MTCL1: variants seen among roughly 807,000 people sequenced by gnomAD.
MTCL1 encodes the protein microtubule cross-linking factor 1.
In MTCL1, 79 loss-of-function variants were observed where a neutral mutation model predicts 141.4. The observed-to-expected ratio is 0.56, with a 90% CI of 0.47 to 0.67. The LOEUF is 0.67. Among genes scored for constraint, MTCL1 ranks in the 30% least tolerant of loss-of-function variants. The pLI, the probability that MTCL1 is intolerant of heterozygous loss-of-function variation, is 0.00. For synonymous variants in MTCL1, 914 were observed against 875.8 expected (o/e 1.04, Z -0.77); for missense variants, 2,177 against 2,113.9 (o/e 1.03, Z -0.59).
Position 8,815,714 on chromosome 18 carries a change from G to A in MTCL1, c.2859+2481G>A, listed in dbSNP as rs192132929. On this transcript the variant is annotated intron_variant, in intron 12 of 16. Coordinates refer to ENST00000359865, the Ensembl canonical transcript of MTCL1. ...AGCCTCATTTTGAGACTATATTTTG[G>A]AAAGGTAATAGTGGTCAGGAGCTGA... 1.1e-3 allele frequency among the ~76,000 whole-genome samples: 173 copies of A among 151,622 alleles called. 1 individual carries two copies. The highest frequency in any genetic ancestry group is 4.1e-3 in the African/African-American group (170 of 41,344).
At chr18:8,817,331 G>A (rs979685281) in intron 12 of MTCL1, among the ~76,000 whole-genome samples, 3 of 150,642 alleles carry the variant, frequency 2.0e-5, no homozygotes, top group Admixed American at 6.6e-5. Context: ...TCATCAGGGA[G>A]GTGGAGGAGG....
chr18:8,743,861 G>T (rs1266341604), intron 4 of MTCL1, among the ~76,000 whole-genome samples: 1 of 152,220 alleles, frequency 6.6e-6, no homozygotes, highest in East Asian at 1.9e-4. Flanking sequence ...CAAGGACGTG[G>T]ATATTTGAGG....
chr18:8,809,697 C>T (rs1598760020), intron 11 of MTCL1: 1 of 1,345,532 alleles, frequency 7.4e-7, no homozygotes, highest in South Asian at 1.5e-5. Flanking sequence ...CAACAGGCAC[C>T]TCGCACGGCT....
intron 4 of MTCL1, among the ~76,000 whole-genome samples, chr18:8,734,191 C>T (rs963597233): frequency 1.3e-5 from 2 of 151,982 alleles, no homozygotes; most frequent in Non-Finnish European, 2.9e-5. Context: ...CCTCTGCCCA[C>T]TAGATGCTGG....
At chr18:8,714,955 C>T (rs1396619058), upstream of MTCL1, among the ~76,000 whole-genome samples, 1 of 152,126 alleles carries the variant, frequency 6.6e-6, no homozygotes, top group East Asian at 1.9e-4. Flanking sequence ...CGCCACCACG[C>T]CTGGCTAATT....
In MTCL1 at chr18:8,751,346, A is replaced by G. The variant is rs542906374; in HGVS notation, c.358-26487A>G. ...AGTTTTGCATGCGTAGACATTAAACATGCCTCTTTTGGTGACCACCCAGGA... is the reference window on the plus strand; with the variant it reads ...AGTTTTGCATGCGTAGACATTAAACGTGCCTCTTTTGGTGACCACCCAGGA... On this transcript the variant is annotated intron_variant, in intron 4 of 16. Coordinates refer to ENST00000359865, the Ensembl canonical transcript of MTCL1. Among the ~76,000 whole-genome samples, 21 of 152,302 alleles carry G rather than the reference A, an allele frequency of 1.4e-4. No individual in the cohort carries two copies. In the South Asian group the frequency reaches 4.1e-3, roughly 30 times the overall value.
chr18:8,781,402 G>C (rs768407236), intron 5 of MTCL1, among the ~76,000 whole-genome samples: 2 of 152,020 alleles, frequency 1.3e-5, no homozygotes, highest in Non-Finnish European at 2.9e-5. Context: ...TTAGTCACAG[G>C]ATTGCTTTTT....
chr18:8,745,091 T>C (rs1389429049), intron 4 of MTCL1, among the ~76,000 whole-genome samples: 1 of 152,216 alleles, frequency 6.6e-6, no homozygotes, highest in East Asian at 1.9e-4. Context: ...GAATTGGAGA[T>C]TTTCAGTTAT....
intron 14 of MTCL1, among the ~76,000 whole-genome samples, chr18:8,823,160 A>T (rs2076902586): frequency 6.6e-6 from 1 of 152,030 alleles, no homozygotes; most frequent in Non-Finnish European, 1.5e-5. Context: ...TCTTCGTTCC[A>T]CCTGCAAGCG....
Position 8,822,047 on chromosome 18 carries a change from A to T in MTCL1, c.3188+549A>T, listed in dbSNP as rs2097528300. Reference sequence around the variant, plus strand: ...AATGAATACATACCGTTTCTACTACATGAAATTTCTTCTCAGGCAATTCAG... The same window carrying T: ...AATGAATACATACCGTTTCTACTACTTGAAATTTCTTCTCAGGCAATTCAG... On this transcript the variant is annotated intron_variant, in intron 14 of 16. Coordinates refer to ENST00000359865, the Ensembl canonical transcript of MTCL1. This position sits in a 1 kb window ranked among gnomAD's most constrained non-coding sequence, Gnocchi z 4.6. 6.6e-6 allele frequency among the ~76,000 whole-genome samples: 1 copy of T among 152,202 alleles called. No individual in the cohort carries two copies. The highest frequency in any genetic ancestry group is 2.1e-4 in the South Asian group (1 of 4,830).
chr18:8,739,719 T>G (rs1166496810), intron 4 of MTCL1, among the ~76,000 whole-genome samples: 1 of 92,078 alleles, frequency 1.1e-5, no homozygotes, highest in Non-Finnish European at 2.1e-5. Context: ...GGAGATTGTT[T>G]TGTTTGTTTG....
At position 8,828,116 on chromosome 18, in the gene MTCL1, T is replaced by C. The variant is rs2077082662; in HGVS notation, c.4723-792T>C. On this transcript the variant is annotated intron_variant, in intron 15 of 16. Coordinates refer to ENST00000359865, the Ensembl canonical transcript of MTCL1. The surrounding 1 kb of genome is among the most constrained non-coding windows in gnomAD (Gnocchi z 5.2). ...GAATTGATGTAATATATTCAGGCCA[T>C]TGCAACCCCTTCCCATTGCTCCATG... is the stretch of plus-strand genomic sequence containing the variant. Among the ~76,000 whole-genome samples, 1 of 152,166 alleles carries C rather than the reference T, an allele frequency of 6.6e-6. No homozygotes were observed. The highest frequency in any genetic ancestry group is 1.5e-5 in the Non-Finnish European group (1 of 68,020).
At chr18:8,744,219 G>A (rs2096322261) in intron 4 of MTCL1, among the ~76,000 whole-genome samples, 1 of 152,270 alleles carries the variant, frequency 6.6e-6, no homozygotes, top group African/African-American at 2.4e-5. Context: ...CCGCTAGCTA[G>A]GTGCATGCGG....
At chr18:8,765,428 C>T (rs1238616694) in intron 4 of MTCL1, among the ~76,000 whole-genome samples, 2 of 152,220 alleles carry the variant, frequency 1.3e-5, no homozygotes, top group Non-Finnish European at 1.5e-5. Flanking sequence ...GGCCTGGTTG[C>T]GTGTGCGCCA....
At chr18:8,737,775 G>A (rs565964675) in intron 4 of MTCL1, among the ~76,000 whole-genome samples, 5 of 152,240 alleles carry the variant, frequency 3.3e-5, no homozygotes, top group African/African-American at 1.2e-4. Context: ...GGGGTCGTGC[G>A]GGGCTCCATA....
chr18:8,770,368 C>G (rs2096480370), intron 4 of MTCL1, among the ~76,000 whole-genome samples: 1 of 152,208 alleles, frequency 6.6e-6, no homozygotes, highest in Non-Finnish European at 1.5e-5. Flanking sequence ...GCTTAAAGAA[C>G]ACATTTATTT....
chr18:8,831,917 GT>G, exon 17 of MTCL1: 3 of 1,295,602 alleles, frequency 2.3e-6, no homozygotes, highest in Non-Finnish European at 3.2e-6. Context: ...GTCAAAGAAT[GT>G]TTTTTAAAAA....
rs1295626086 is a variant in MTCL1, at chr18:8,822,735, G to A, written c.3188+1237G>A. 6.6e-6 allele frequency among the ~76,000 whole-genome samples: 1 copy of A among 151,826 alleles called. No individual in the cohort carries two copies. Among genetic ancestry groups the A allele is most frequent in the Admixed American group, 6.6e-5 (1 of 15,248 alleles). ...ATGTATGTTAATACACATAATGAAA[G>A]CAGCACATGGCACAAAACAAACAGT... On this transcript the variant is annotated intron_variant, in intron 14 of 16. Coordinates refer to ENST00000359865, the Ensembl canonical transcript of MTCL1. This position sits in a 1 kb window ranked among gnomAD's most constrained non-coding sequence, Gnocchi z 4.6.
chr18:8,706,287 C>T, exon 1 of MTCL1: 1 of 1,229,888 alleles, frequency 8.1e-7, no homozygotes, highest in Non-Finnish European at 1.0e-6. Flanking sequence ...CGGACAGCAG[C>T]TCCGACCTCT....
Sources: gnomAD v4.1 joint callset for allele counts (sites outside exome capture counted in the v4.1 genomes callset) on GRCh38, gnomAD v4.1.1 for gene constraint, Gnocchi (gnomAD v3.1) non-coding constraint, MANE v1.5 for transcripts, NCBI Gene and HGNC (gene_info 2026-07-23, HGNC 2026-07-21) for gene names.